The following IPCEF1 variants were observed in gnomAD, a reference collection of about 807,000 sequenced individuals.
The protein encoded by IPCEF1 is interactor protein for cytohesin exchange factors 1.
IPCEF1 carries 31 observed loss-of-function variants against 50.9 expected under a neutral mutation model. That is an observed-to-expected ratio of 0.61 (90% CI 0.46 to 0.82). The LOEUF (loss-of-function observed/expected upper bound fraction) is 0.82, where lower values mean the gene tolerates loss of function less well. Ranked by LOEUF, IPCEF1 falls within the 40% of genes least tolerant of loss-of-function variation. The pLI, the probability that IPCEF1 is intolerant of heterozygous loss-of-function variation, is 0.00. For missense variants in IPCEF1, 458 were observed against 514.0 expected, an observed-to-expected ratio of 0.89 and a Z score of 1.05; for synonymous variants, 181 against 192.0, an observed-to-expected ratio of 0.94 and a Z score of 0.47.
intron 1 of IPCEF1, among the ~76,000 whole-genome samples, chr6:154,304,106 C>T (rs928239710): frequency 2.0e-5 from 3 of 150,842 alleles, no homozygotes; most frequent in Admixed American, 6.6e-5. Flanking sequence ...ACCGGTAGTC[C>T]CAGCTACTTG....
chr6:154,221,346 A>C lies in IPCEF1; in HGVS notation c.321-18T>G. 1 of 1,607,772 alleles carries C rather than the reference A, an allele frequency of 6.2e-7. No individual in the cohort carries two copies. The highest frequency in any genetic ancestry group is 8.5e-7 in the Non-Finnish European group (1 of 1,174,742). ...TAAAAGCACTTGAAGGAGGAAAAGC[A>C]CAAACACATAAAAAATTAGTGTTTA... On this transcript the variant is annotated intron_variant, in intron 6 of 11. Coordinates refer to ENST00000367220, the MANE Select transcript of IPCEF1 (RefSeq NM_001130700.2).
At chr6:154,192,475 T>C (rs988905696) in intron 10 of IPCEF1, among the ~76,000 whole-genome samples, 1 of 152,054 alleles carries the variant, frequency 6.6e-6, no homozygotes, top group African/African-American at 2.4e-5. Context: ...AGCATATAAA[T>C]ATCGAGTCAT....
intron 1 of IPCEF1, among the ~76,000 whole-genome samples, chr6:154,306,316 C>T (rs1012587970): frequency 2.6e-5 from 4 of 152,110 alleles, no homozygotes; most frequent in African/African-American, 9.7e-5. Context: ...AGAATGACCT[C>T]GAGTTAGAGT....
chr6:154,317,528 G>A (rs1337080803), intron 1 of IPCEF1, among the ~76,000 whole-genome samples: 23 of 108,240 alleles, frequency 2.1e-4, no homozygotes, highest in African/African-American at 7.9e-4. Context: ...CAACCTGGGC[G>A]ACAGTGAGAG....
Position 154,321,778 on chromosome 6 carries a change from T to TAAA in IPCEF1, c.-61-32025_-61-32023dup, listed in dbSNP as rs61648946. 1.2e-3 allele frequency among the ~76,000 whole-genome samples: 64 copies of TAAA among 51,928 alleles called. 2 individuals carry two copies. The highest frequency in any genetic ancestry group is 1.8e-3 in the Non-Finnish European group (44 of 23,954). 34.1% of individuals were successfully genotyped at this position (51,928 alleles called of 152,430 possible). On this transcript the variant is annotated intron_variant, in intron 1 of 11. Transcript: ENST00000367220. ...CTGGGTGACAGAGAGAGACTCTTTCTAAAAAAAAAAAAAAAAAAAAAAAAA... is the reference window on the plus strand; with the variant it reads ...CTGGGTGACAGAGAGAGACTCTTTCTAAAAAAAAAAAAAAAAAAAAAAAAAAAA...
At chr6:154,254,786 GA>G (rs1781421657) in intron 3 of IPCEF1, among the ~76,000 whole-genome samples, 2 of 151,902 alleles carry the variant, frequency 1.3e-5, no homozygotes, top group African/African-American at 2.4e-5. Context: ...ACTACATTTT[GA>G]TTTTTTTTAA....
chr6:154,306,223 C>A (rs912038581), intron 1 of IPCEF1, among the ~76,000 whole-genome samples: 1 of 152,134 alleles, frequency 6.6e-6, no homozygotes, highest in South Asian at 2.1e-4. Flanking sequence ...AACATTTGAG[C>A]AGATCTATCC....
rs1778197888 is a variant in IPCEF1, at chr6:154,214,198, A to T, written c.451+20T>A. 6.4e-7 allele frequency: 1 copy of T among 1,551,516 alleles called. No homozygotes were observed. The highest frequency in any genetic ancestry group is 8.9e-7 in the Non-Finnish European group (1 of 1,122,952). ...TCTAATATTCTTGCTAAATTTTCAG[A>T]AATTTAAAATAGAACATACCTTCAT... On this transcript the variant is annotated intron_variant, in intron 8 of 11. Coordinates refer to ENST00000367220, the MANE Select transcript of IPCEF1 (RefSeq NM_001130700.2).
At chr6:154,288,667 CAAAAAAAACAAAAAAAAAAAAA>C (rs1782430765) in intron 2 of IPCEF1, among the ~76,000 whole-genome samples, 12 of 112,646 alleles carry the variant, frequency 1.1e-4, no homozygotes, top group African/African-American at 3.8e-4. Context: ...GTCTAAAAAA[CAAAAAAAACAAAAAAAAAAAAA>C]AAAAAAAAAA....
intron 1 of IPCEF1, among the ~76,000 whole-genome samples, chr6:154,291,680 GTTT>G (rs34064925): frequency 9.6e-6 from 1 of 104,498 alleles, no homozygotes; most frequent in Non-Finnish European, 1.8e-5. Flanking sequence ...CTCAGGAAAG[GTTT>G]TTTTTTTTTT....
intron 1 of IPCEF1, among the ~76,000 whole-genome samples, chr6:154,327,826 C>T (rs950719594): frequency 1.3e-4 from 20 of 152,102 alleles, no homozygotes; most frequent in Non-Finnish European, 1.5e-5. Flanking sequence ...AACCTAAATG[C>T]CCATCAATGA....
intron 2 of IPCEF1, among the ~76,000 whole-genome samples, chr6:154,279,148 A>C (rs568629434): frequency 6.6e-6 from 1 of 151,880 alleles, no homozygotes; most frequent in Admixed American, 6.6e-5. Context: ...AAAAGTGGGC[A>C]TAAGAAGGTT....
chr6:154,197,264 T>TAAAC lies in IPCEF1; in HGVS notation c.910+2400_910+2403dup, dbSNP rs1296206273. Among the ~76,000 whole-genome samples, 7 of 152,248 alleles carry TAAAC rather than the reference T, an allele frequency of 4.6e-5. No individual in the cohort carries two copies. The East Asian group carries it at 1.2e-3, about 25-fold the overall frequency. ...AAAAGCTACCTTTGTCTGCAACACA[T>TAAAC]AAACACACATGTAAAAAAAAATGCA... is the stretch of plus-strand genomic sequence containing the variant. On this transcript the variant is annotated intron_variant, in intron 10 of 11. Coordinates refer to ENST00000367220, the MANE Select transcript of IPCEF1 (RefSeq NM_001130700.2).
At chr6:154,184,094 CTTTA>C (rs773536634) in intron 10 of IPCEF1, among the ~76,000 whole-genome samples, 1 of 151,782 alleles carries the variant, frequency 6.6e-6, no homozygotes, top group African/African-American at 2.4e-5. Context: ...GTTGTTGTTG[CTTTA>C]TTTAAGAGAA....
intron 5 of IPCEF1, among the ~76,000 whole-genome samples, chr6:154,246,295 G>A (rs918497007): frequency 7.2e-5 from 11 of 152,106 alleles, no homozygotes; most frequent in South Asian, 6.2e-4. Context: ...AGAATCCCTC[G>A]TGGAATAGTA....
In IPCEF1 at chr6:154,289,712, C is replaced by G. The variant is rs1782463328; in HGVS notation, c.-18+1G>C. 1.3e-5 allele frequency: 2 copies of G among 149,060 alleles called. No individual in the cohort carries two copies. The highest frequency in any genetic ancestry group is 4.2e-4 in the South Asian group (2 of 4,768). 9.2% of individuals were successfully genotyped at this position (149,060 alleles called of 1,614,324 possible). A position where few individuals can be genotyped will look rare whatever the true frequency, so the allele number is the denominator to read the frequency against. ...GTTGCAAAGAATTTTCAATTACATA[C>G]CAAAAAGTTATGAATTTTCTTGGTC... On this transcript the variant is annotated splice_donor_variant, in intron 2 of 11. Coordinates refer to ENST00000367220, the MANE Select transcript of IPCEF1 (RefSeq NM_001130700.2). LOFTEE classifies it low-confidence loss of function (5UTR_SPLICE).
chr6:154,331,411 G>A (rs71567978), intron 1 of IPCEF1, among the ~76,000 whole-genome samples: 9,247 of 120,694 alleles, frequency 0.077, 395 homozygotes, highest in Non-Finnish European at 0.083. Flanking sequence ...AAGAAAGAGA[G>A]AGAAAAAGAA....
chr6:154,265,046 C>T (rs1469917308), intron 3 of IPCEF1, among the ~76,000 whole-genome samples: 1 of 152,154 alleles, frequency 6.6e-6, no homozygotes, highest in African/African-American at 2.4e-5. Context: ...CCTATACATC[C>T]ATCATGAGGT....
At chr6:154,303,530 T>C (rs946937265) in intron 1 of IPCEF1, among the ~76,000 whole-genome samples, 2 of 152,220 alleles carry the variant, frequency 1.3e-5, no homozygotes, top group Admixed American at 1.3e-4. Flanking sequence ...GAATGGCTCA[T>C]TCACCCTTCT....
Sources: gnomAD v4.1 joint callset for allele counts (sites outside exome capture counted in the v4.1 genomes callset) on GRCh38, gnomAD v4.1.1 for gene constraint, MANE v1.5 for transcripts, NCBI Gene and HGNC (gene_info 2026-07-23, HGNC 2026-07-21) for gene names.